The following HYAL4 variants were observed in gnomAD, a reference collection of about 807,000 sequenced individuals.
The protein encoded by HYAL4 is hyaluronidase-4.
Under a neutral mutation model 35.2 loss-of-function variants are expected in HYAL4, and 37 were observed. The observed-to-expected ratio is 1.05, with a 90% CI of 0.81 to 1.38. The LOEUF is 1.38. Among genes scored for constraint, HYAL4 ranks in the 40% most tolerant of loss-of-function variants. The probability of loss-of-function intolerance (pLI) is 0.00; values close to 1 mark genes in which losing one functional copy is unlikely to be tolerated. For missense variants in HYAL4, 572 were observed against 572.4 expected (o/e 1.00, Z 0.01); for synonymous variants, 198 against 203.2 (o/e 0.97, Z 0.22).
the HYAL4 span, among the ~76,000 whole-genome samples, chr7:123,780,557 A>G: frequency 6.6e-6 from 1 of 152,198 alleles, no homozygotes; most frequent in African/African-American, 2.4e-5. Flanking sequence ...AATATATGAA[A>G]TCATCTGCAC....
chr7:123,858,922 C>G (rs1035153126), intron 2 of HYAL4, among the ~76,000 whole-genome samples: 6 of 151,978 alleles, frequency 3.9e-5, no homozygotes, highest in South Asian at 2.1e-4. Context: ...TGTAAACACA[C>G]CAGGGTAGTT....
At chr7:123,771,876 C>T in the HYAL4 span, among the ~76,000 whole-genome samples, 1 of 149,778 alleles carries the variant, frequency 6.7e-6, no homozygotes, top group African/African-American at 2.5e-5. Context: ...CAGTAAAGTA[C>T]ATTGCCCAAG....
At chr7:123,774,031 G>GT in the HYAL4 span, among the ~76,000 whole-genome samples, 1 of 151,918 alleles carries the variant, frequency 6.6e-6, no homozygotes, top group Non-Finnish European at 1.5e-5. Flanking sequence ...TTTTATTTTT[G>GT]TTTTTTCAGA....
At chr7:123,849,834 T>G (rs1475365543) in intron 2 of HYAL4, among the ~76,000 whole-genome samples, 1 of 152,156 alleles carries the variant, frequency 6.6e-6, no homozygotes, top group East Asian at 1.9e-4. Context: ...ATCACTGCAT[T>G]CCAGCCTGAA....
chr7:123,854,402 A>C (rs1204148061), intron 2 of HYAL4, among the ~76,000 whole-genome samples: 2 of 152,184 alleles, frequency 1.3e-5, no homozygotes. Context: ...ACTGTGTCCC[A>C]GAGATCTGGT....
chr7:123,869,144 A>G lies in HYAL4; in HGVS notation c.871A>G (p.Met291Val), dbSNP rs763333265. 3 of 1,614,146 alleles carry G rather than the reference A, an allele frequency of 1.9e-6. No homozygotes were observed. The South Asian group carries it at 3.3e-5, about 18-fold the overall frequency. ...RVHESMRISTMTSHDYALPVF... is the reference protein window; with the variant it reads ...RVHESMRISTVTSHDYALPVF... ...GCATGAATCCATGAGGATCTCCACC[A>G]TGACATCTCATGATTATGCTCTGCC... Residue 291 changes from methionine (M) to valine (V), a missense_variant, in exon 3 of 5, where the codon ATG becomes GTG. Physicochemically the swap from Met to Val is conservative, Grantham distance 21. Transcript: ENST00000223026.
chr7:123,809,880 C>A, the HYAL4 span, among the ~76,000 whole-genome samples: 5 of 152,106 alleles, frequency 3.3e-5, no homozygotes, highest in Admixed American at 6.6e-5. Flanking sequence ...ATTGAACAGC[C>A]CCAGTTGATT....
rs71163707 is a variant in HYAL4 at position 123,857,665 on chromosome 7, G to GTTTC, written c.-52+9510_-52+9511insCTTT. Among the ~76,000 whole-genome samples, 664 of 95,480 alleles carry GTTTC rather than the reference G, an allele frequency of 7.0e-3. 11 individuals are homozygous for GTTTC. The highest frequency in any genetic ancestry group is 0.021 in the African/African-American group (566 of 27,604). 62.6% of individuals were successfully genotyped at this position (95,480 alleles called of 152,430 possible). A position where few individuals can be genotyped will look rare whatever the true frequency, so the allele number is the denominator to read the frequency against. ...GCTGCCTTTCTTTGTTTCTTTCTTTGTTTGTTTCTTTCTTTCTTTCTTTCT... is the reference window on the plus strand; with the variant it reads ...GCTGCCTTTCTTTGTTTCTTTCTTTGTTTCTTTGTTTCTTTCTTTCTTTCTTTCT... On this transcript the variant is annotated intron_variant, in intron 2 of 4. Transcript: ENST00000223026.
chr7:123,805,472 A>AAAGTGGG, the HYAL4 span, among the ~76,000 whole-genome samples: 1 of 152,158 alleles, frequency 6.6e-6, no homozygotes, highest in African/African-American at 2.4e-5. Context: ...TGAGAATTGA[A>AAAGTGGG]AAGTGGGAAG....
At chr7:123,800,117 C>G in the HYAL4 span, among the ~76,000 whole-genome samples, 2 of 147,396 alleles carry the variant, frequency 1.4e-5, no homozygotes, top group Admixed American at 1.4e-4. Flanking sequence ...GAGCCGAGAT[C>G]GCGCCACTGT....
intron 4 of HYAL4, 31 bp from the exon 5 acceptor site, chr7:123,876,723 C>T: frequency 3.1e-6 from 5 of 1,595,120 alleles, no homozygotes; most frequent in Non-Finnish European, 3.4e-6. Flanking sequence ...AGGGAGAACA[C>T]ACTAAAATTG....
intron 2 of HYAL4, among the ~76,000 whole-genome samples, chr7:123,856,148 C>A (rs1446743169): frequency 6.6e-6 from 1 of 151,930 alleles, no homozygotes; most frequent in Non-Finnish European, 1.5e-5. Context: ...TTAGAACATG[C>A]TCTTTTAGCT....
chr7:123,779,208 A>G, the HYAL4 span, among the ~76,000 whole-genome samples: 2 of 152,220 alleles, frequency 1.3e-5, no homozygotes, highest in African/African-American at 4.8e-5. Context: ...ATCAATAGAT[A>G]TAGCCCACAT....
upstream of HYAL4, among the ~76,000 whole-genome samples, chr7:123,827,208 T>C (rs1226759973): frequency 6.6e-6 from 1 of 151,928 alleles, no homozygotes; most frequent in Non-Finnish European, 1.5e-5. Flanking sequence ...GTGTTAAATG[T>C]AGGAAAGATG....
At chr7:123,870,813 C>T (rs1295384368) in intron 3 of HYAL4, among the ~76,000 whole-genome samples, 1 of 151,454 alleles carries the variant, frequency 6.6e-6, no homozygotes, top group East Asian at 1.9e-4. Flanking sequence ...ATAATCTTGA[C>T]TCTGGAATGG....
the HYAL4 span, among the ~76,000 whole-genome samples, chr7:123,811,247 A>G: frequency 2.6e-5 from 4 of 152,074 alleles, no homozygotes; most frequent in African/African-American, 9.7e-5. Flanking sequence ...AGTATATGTA[A>G]TTTTGTGAGA....
the HYAL4 span, among the ~76,000 whole-genome samples, chr7:123,811,906 A>G: frequency 1.3e-5 from 2 of 152,028 alleles, no homozygotes; most frequent in South Asian, 4.2e-4. Flanking sequence ...CGGTGGCACA[A>G]TCTCAGCTCA....
At chr7:123,869,591 A>T (rs949936737) in intron 3 of HYAL4, among the ~76,000 whole-genome samples, 1 of 152,200 alleles carries the variant, frequency 6.6e-6, no homozygotes, top group African/African-American at 2.4e-5. Context: ...ATGTTTTGAA[A>T]TGGAGTGTTT....
chr7:123,868,538 A>G lies in HYAL4; in HGVS notation c.265A>G (p.Ile89Val). 1.2e-6 allele frequency: 2 copies of G among 1,611,334 alleles called. No individual in the cohort carries two copies. Among genetic ancestry groups the G allele is most frequent in the Non-Finnish European group, 1.7e-6 (2 of 1,179,390 alleles). ...LAKARGQNVT[I>V]FYVNRLGYYP... ...CAAGGCCAGGGGGCAAAATGTCACT[A>G]TATTTTATGTCAACAGATTGGGATA... Residue 89 changes from isoleucine (I) to valine (V), a missense_variant, in exon 3 of 5, where the codon ATA (isoleucine) becomes GTA (valine). By Grantham distance (29) the Ile-to-Val change is conservative. Transcript: ENST00000223026.
Sources: allele counts gnomAD v4.1 joint callset (sites outside exome capture counted in the v4.1 genomes callset), GRCh38; gene constraint gnomAD v4.1.1; transcripts MANE v1.5; gene names NCBI Gene and HGNC (gene_info 2026-07-23, HGNC 2026-07-21).